MAP3K1: variants seen among roughly 807,000 people sequenced by gnomAD.
MAP3K1 encodes mitogen-activated protein kinase kinase kinase 1, also known as MAP/ERK kinase kinase 1.
Under a neutral mutation model 144.2 loss-of-function variants are expected in MAP3K1, and 36 were observed. The observed-to-expected ratio is 0.25, with a 90% CI of 0.19 to 0.33. The LOEUF (loss-of-function observed/expected upper bound fraction) is 0.33. MAP3K1 is among the 10% of genes least tolerant of loss of function. The probability of loss-of-function intolerance (pLI) is 1.00; values close to 1 mark genes in which losing one functional copy is unlikely to be tolerated. For synonymous variants in MAP3K1, 718 were observed against 688.7 expected (o/e 1.04, Z -0.67); for missense variants, 1,650 against 1,881.9 (o/e 0.88, Z 2.28).
chr5:56,858,834 T>C (rs1464237250), intron 2 of MAP3K1, among the ~76,000 whole-genome samples: 1 of 152,062 alleles, frequency 6.6e-6, no homozygotes, highest in Non-Finnish European at 1.5e-5. Flanking sequence ...ATTTTCCTCA[T>C]GTGAAGGTGT....
In MAP3K1 at chr5:56,894,875, T is replaced by C. The variant is rs1029609904; in HGVS notation, c.*1195T>C. ...AAAGAAAAATGGAATTGAATTTCAT[T>C]TATACACTAATTCCTTGGATTTTGC... On this transcript the variant is annotated 3_prime_UTR_variant, in exon 20 of 20. Transcript: ENST00000399503. The C allele has an allele frequency of 1.3e-5, 3 of 231,964 alleles. No homozygotes were observed. Among genetic ancestry groups the C allele is most frequent in the African/African-American group, 2.2e-5 (1 of 45,300 alleles). 14.4% of individuals were successfully genotyped at this position (231,964 alleles called of 1,614,324 possible).
rs759948125 is a variant in MAP3K1, at chr5:56,882,440, C to T, written c.3240C>T (p.Ser1080=). Residue 1080 remains serine (S), a synonymous_variant, in exon 14 of 20, where the codon AGC becomes AGT. Coordinates refer to ENST00000399503, the MANE Select transcript of MAP3K1 (RefSeq NM_005921.2). The stretch of plus-strand genomic sequence containing the variant: ...AACAGGGAGATCCCTCAAAAAATAG[C>T]ATGACACTTGATCTGAACAGTAGTT... ...TSKQGDPSKN[S]MTLDLNSSSK... 1.9e-6 allele frequency: 3 copies of T among 1,614,142 alleles called. No individual in the cohort carries two copies. In the South Asian group the frequency reaches 3.3e-5, roughly 18 times the overall value.
At chr5:56,879,565 C>CA (rs35486776) in intron 11 of MAP3K1, among the ~76,000 whole-genome samples, 77,052 of 151,424 alleles carry the variant, frequency 0.51, 21,650 homozygotes, top group Non-Finnish European at 0.65. Context: ...ACAGTTTTGT[C>CA]AAAAAATTTT....
intron 1 of MAP3K1, among the ~76,000 whole-genome samples, chr5:56,854,220 G>A (rs1423627047): frequency 1.3e-5 from 2 of 151,972 alleles, no homozygotes; most frequent in Non-Finnish European, 2.9e-5. Flanking sequence ...GATCACCTGA[G>A]GTCAGGAGTT....
rs2111874376 is a variant in MAP3K1, at chr5:56,859,835, T to C, written c.754T>C (p.Ser252Pro). 3 of 1,613,922 alleles carry C rather than the reference T, an allele frequency of 1.9e-6. No homozygotes were observed. Among genetic ancestry groups the C allele is most frequent in the Non-Finnish European group, 2.5e-6 (3 of 1,179,930 alleles). ...SPASKGRRSP[S>P]PGNSPSGRTV... The stretch of plus-strand genomic sequence containing the variant: ...AGCTTCCAAAGGCCGACGCAGTCCT[T>C]CTCCTGGCAACTCCCCATCAGGTCG... The change falls in exon 3 of 20, where the codon TCT becomes CCT. Residue 252 changes from serine to proline, a missense_variant. Coordinates refer to ENST00000399503, the MANE Select transcript of MAP3K1 (RefSeq NM_005921.2).
intron 1 of MAP3K1, among the ~76,000 whole-genome samples, chr5:56,837,798 T>C (rs1386221558): frequency 6.6e-6 from 1 of 151,738 alleles, no homozygotes; most frequent in Non-Finnish European, 1.5e-5. Context: ...AAGTCAAGAG[T>C]GGGAAACAGA....
At chr5:56,889,049 TTATATG>T (rs758673889) in intron 19 of MAP3K1, among the ~76,000 whole-genome samples, 7 of 152,246 alleles carry the variant, frequency 4.6e-5, no homozygotes, top group Admixed American at 2.0e-4. Context: ...TGTAGTGTGT[TTATATG>T]TATATGTATG....
chr5:56,842,633 A>G (rs1746848964), intron 1 of MAP3K1, among the ~76,000 whole-genome samples: 1 of 152,234 alleles, frequency 6.6e-6, no homozygotes, highest in Non-Finnish European at 1.5e-5. Flanking sequence ...GTAAGAATTA[A>G]CTATATGTAA....
intron 17 of MAP3K1, among the ~76,000 whole-genome samples, chr5:56,886,741 C>A (rs1448731834): frequency 3.9e-5 from 6 of 151,948 alleles, no homozygotes; most frequent in African/African-American, 1.5e-4. Context: ...CCTTCAAATC[C>A]TTTGTAGGTC....
intron 10 of MAP3K1, 57 bp downstream of exon 10, chr5:56,875,367 C>T (rs1331846463): frequency 1.7e-5 from 26 of 1,572,074 alleles, no homozygotes; most frequent in East Asian, 6.7e-5. Flanking sequence ...TTTGATGGTT[C>T]GTAGATAGTG....
Position 56,881,663 on chromosome 5 carries a change from G to T in MAP3K1, c.2463G>T (p.Leu821Phe), listed in dbSNP as rs1371529517. 1 of 1,613,996 alleles carries T rather than the reference G, an allele frequency of 6.2e-7. No homozygotes were observed. Among genetic ancestry groups the T allele is most frequent in the African/African-American group, 1.3e-5 (1 of 75,026 alleles). The change falls in exon 14 of 20, where the codon TTG becomes TTT. Residue 821 changes from leucine (L) to phenylalanine (F), a missense_variant. By Grantham distance (22) the Leu-to-Phe change is conservative. Around this residue, in one of 6 missense-constraint regions of MAP3K1, gnomAD observed 841 missense variants for 886.5 expected, o/e 0.95. Transcript: ENST00000399503. ...GCAAACTTTCCAGAAGGATCTACTT[G>T]AGTTCTGCAAGAATGGTTACTACAG... ...MVGKLSRRIYLSSARMVTTVP... is the reference protein window; with the variant it reads ...MVGKLSRRIYFSSARMVTTVP...
rs1252256897 is a variant in MAP3K1, at chr5:56,882,812, A to G, written c.3612A>G (p.Ile1204Met). Residue 1204 changes from isoleucine to methionine, a missense_variant, in exon 14 of 20, where the codon ATA becomes ATG. Physicochemically the swap from Ile to Met is conservative, Grantham distance 10. Around this residue, in one of 6 missense-constraint regions of MAP3K1, gnomAD observed 841 missense variants for 886.5 expected, o/e 0.95. Coordinates refer to ENST00000399503, the MANE Select transcript of MAP3K1 (RefSeq NM_005921.2). The part of the protein sequence containing the change: ...AMSASQDALP[I>M]VPQLQVENGE... The stretch of plus-strand genomic sequence containing the variant: ...CAGCGTCTCAGGATGCCCTCCCCAT[A>G]GTTCCTCAGCTGCAGGTTGAAAATG... 1 of 1,612,632 alleles carries G rather than the reference A, an allele frequency of 6.2e-7. No individual in the cohort carries two copies. Among genetic ancestry groups the G allele is most frequent in the Admixed American group, 1.7e-5 (1 of 59,862 alleles).
chr5:56,822,011 A>G (rs952514112), intron 1 of MAP3K1, among the ~76,000 whole-genome samples: 1 of 151,808 alleles, frequency 6.6e-6, no homozygotes, highest in Non-Finnish European at 1.5e-5. Context: ...GTTTTTGTAT[A>G]TCGTTTGGTA....
At chr5:56,880,852 G>C in intron 12 of MAP3K1, 50 bp downstream of exon 12, 1 of 1,434,118 alleles carries the variant, frequency 7.0e-7, no homozygotes, top group Non-Finnish European at 9.8e-7. Context: ...TCATGTTCCT[G>C]AGCAGCCTTG....
At chr5:56,820,592 A>G (rs1230428572) in intron 1 of MAP3K1, 13 of 984,992 alleles carry the variant, frequency 1.3e-5, no homozygotes, top group Middle Eastern at 5.2e-4. Flanking sequence ...TGTTTCTTAG[A>G]TTTATTGATT....
In MAP3K1 at chr5:56,831,184, GTTTT is replaced by G. The variant is rs5868030; in HGVS notation, c.482+15144_482+15147del. On this transcript the variant is annotated intron_variant, in intron 1 of 19. Coordinates refer to ENST00000399503, the MANE Select transcript of MAP3K1 (RefSeq NM_005921.2). The stretch of plus-strand genomic sequence containing the variant: ...CCGTGAAAATGGGATAAAATGTTGG[GTTTT>G]TTTTTTTTTTTTTTAGGATCATGTG... Among the ~76,000 whole-genome samples the G allele has an allele frequency of 1.8e-4, 24 of 136,322 alleles. 1 individual carries two copies. The highest frequency in any genetic ancestry group is 4.7e-4 in the South Asian group (2 of 4,234). The allele number at this position is 136,322 out of a possible 152,430, so 89.4% of individuals were successfully genotyped here. A position where few individuals can be genotyped will look rare whatever the true frequency, so the allele number is the denominator to read the frequency against.
intron 1 of MAP3K1, among the ~76,000 whole-genome samples, chr5:56,827,993 A>G (rs906477289): frequency 5.9e-5 from 9 of 152,288 alleles, no homozygotes; most frequent in African/African-American, 2.2e-4. Context: ...ATGAAGCACC[A>G]TTCTTGATCC....
intron 7 of MAP3K1, 95 bp downstream of exon 7, chr5:56,872,126 T>C (rs1437292804): frequency 6.6e-7 from 1 of 1,517,158 alleles, no homozygotes; most frequent in Non-Finnish European, 9.1e-7. Context: ...GAGGGGAAAT[T>C]GGTGAGAGAA....
At chr5:56,883,420 A>C in intron 14 of MAP3K1, 107 bp from the exon 15 acceptor site, 2 of 1,021,238 alleles carry the variant, frequency 2.0e-6, no homozygotes, top group Non-Finnish European at 3.0e-6. Flanking sequence ...GGTCACATTT[A>C]TAGGTGGTTT....
Sources: allele counts gnomAD v4.1 joint callset (sites outside exome capture counted in the v4.1 genomes callset), GRCh38; gene constraint gnomAD v4.1.1; regional missense constraint gnomAD v4.1.1; transcripts MANE v1.5; gene names NCBI Gene and HGNC (gene_info 2026-07-23, HGNC 2026-07-21).